HSD17B12: variants seen among roughly 807,000 people sequenced by gnomAD.
The protein encoded by HSD17B12 is hydroxysteroid 17-beta dehydrogenase 12.
HSD17B12 carries 32 observed loss-of-function variants against 39.3 expected under a neutral mutation model. The observed-to-expected ratio is 0.81, with a 90% CI of 0.61 to 1.09. The LOEUF is 1.09. HSD17B12 is among the 50% of genes least tolerant of loss of function. The pLI is 0.00. For synonymous variants in HSD17B12, 150 were observed against 146.7 expected (o/e 1.02, Z -0.16); for missense variants, 342 against 382.9 (o/e 0.89, Z 0.89).
chr11:43,846,849 A>G (rs1951480808), intron 9 of HSD17B12, among the ~76,000 whole-genome samples: 1 of 152,210 alleles, frequency 6.6e-6, no homozygotes, highest in African/African-American at 2.4e-5. Flanking sequence ...CATTACACCC[A>G]CAGTAAGTCC....
rs60140879 is a variant in HSD17B12, at chr11:43,792,682, C to CTTTTT, written c.284-5620_284-5616dup. 1.5e-3 allele frequency among the ~76,000 whole-genome samples: 152 copies of CTTTTT among 101,286 alleles called. 2 individuals are homozygous for CTTTTT. Among genetic ancestry groups the CTTTTT allele is most frequent in the South Asian group, 2.2e-3 (6 of 2,726 alleles). 66.4% of individuals were successfully genotyped at this position (101,286 alleles called of 152,430 possible). A position where few individuals can be genotyped will look rare whatever the true frequency, so the allele number is the denominator to read the frequency against. On this transcript the variant is annotated intron_variant, in intron 3 of 10. Transcript: ENST00000278353. ...GAACTGAATTGTCTCTCAATGTAAC[C>CTTTTT]TTTTTTTTTTTTTTTTTTTTTTGAG...
At chr11:43,737,437 C>T (rs879276299) in intron 1 of HSD17B12, among the ~76,000 whole-genome samples, 3 of 152,198 alleles carry the variant, frequency 2.0e-5, no homozygotes, top group Admixed American at 2.0e-4. Flanking sequence ...CTGTAGCAAG[C>T]TAGACACTTC....
At chr11:43,575,085 G>A in the HSD17B12 span, among the ~76,000 whole-genome samples, 1 of 152,192 alleles carries the variant, frequency 6.6e-6, no homozygotes, top group Non-Finnish European at 1.5e-5. The surrounding 1 kb of genome is among the most constrained non-coding windows in gnomAD (Gnocchi z 4.1). Context: ...CCACACAGGG[G>A]AGCCCCTAAA....
In HSD17B12 at chr11:43,827,064, G is replaced by A. The variant is rs1951249890; in HGVS notation, c.502-3912G>A. On this transcript the variant is annotated intron_variant, in intron 6 of 10. Coordinates refer to ENST00000278353, the MANE Select transcript of HSD17B12 (RefSeq NM_016142.3). ...TACTTGGATTCAGATCCTATTTATG[G>A]TAAGCAGGTTTCTTTGGGGTAGAGG... Among the ~76,000 whole-genome samples the A allele has an allele frequency of 3.9e-5, 6 of 152,242 alleles. No homozygotes were observed. In the South Asian group the frequency reaches 1.2e-3, roughly 32 times the overall value.
At chr11:43,585,920 T>G in the HSD17B12 span, among the ~76,000 whole-genome samples, 8 of 152,186 alleles carry the variant, frequency 5.3e-5, no homozygotes, top group African/African-American at 1.9e-4. Flanking sequence ...ATGGATAGAC[T>G]AAACCTCAAA....
At chr11:43,628,652 C>T in the HSD17B12 span, among the ~76,000 whole-genome samples, 1 of 152,072 alleles carries the variant, frequency 6.6e-6, no homozygotes, top group East Asian at 1.9e-4. Flanking sequence ...TCTATCTAAA[C>T]TGTGATATTA....
chr11:43,673,174 C>T, the HSD17B12 span: 1 of 152,110 alleles, frequency 6.6e-6, no homozygotes, highest in African/African-American at 2.4e-5. Flanking sequence ...TATGAAACTC[C>T]CTGATTATGA....
intron 4 of HSD17B12, among the ~76,000 whole-genome samples, chr11:43,801,628 A>ATATATATATATG (rs1176560327): frequency 1.4e-3 from 30 of 20,932 alleles, no homozygotes; most frequent in African/African-American, 3.2e-3. Context: ...ATATATATAT[A>ATATATATATATG]TATGTATATG....
At chr11:43,680,111 C>T (rs909840450), upstream of HSD17B12, among the ~76,000 whole-genome samples, 2 of 151,438 alleles carry the variant, frequency 1.3e-5, no homozygotes, top group Non-Finnish European at 2.9e-5. Flanking sequence ...AGTCTCACTC[C>T]GTCGCTCAGG....
chr11:43,643,550 T>C, the HSD17B12 span, among the ~76,000 whole-genome samples: 5 of 152,146 alleles, frequency 3.3e-5, no homozygotes, highest in African/African-American at 1.2e-4. Flanking sequence ...TGATTATCTA[T>C]CAAGAGAGTG....
At chr11:43,696,772 T>C (rs1313264829) in intron 1 of HSD17B12, among the ~76,000 whole-genome samples, 1 of 152,072 alleles carries the variant, frequency 6.6e-6, no homozygotes, top group Non-Finnish European at 1.5e-5. Context: ...CAAATGCCCA[T>C]CAGTGACAGA....
At chr11:43,723,603 C>T (rs1950194643) in intron 1 of HSD17B12, among the ~76,000 whole-genome samples, 1 of 152,136 alleles carries the variant, frequency 6.6e-6, no homozygotes, top group South Asian at 2.1e-4. Flanking sequence ...AAAATCATTA[C>T]ACTTAAATTC....
chr11:43,754,877 T>C, intron 3 of HSD17B12: 1 of 760,218 alleles, frequency 1.3e-6, no homozygotes, highest in Non-Finnish European at 2.4e-6. Context: ...TCTTAGGCAA[T>C]TATACTTGAG....
the HSD17B12 span, among the ~76,000 whole-genome samples, chr11:43,659,066 G>T: frequency 6.6e-6 from 1 of 152,206 alleles, no homozygotes; most frequent in African/African-American, 2.4e-5. Context: ...CAGCTGCTTT[G>T]TTTACCTGCT....
At chr11:43,662,073 G>A in the HSD17B12 span, among the ~76,000 whole-genome samples, 164 of 152,100 alleles carry the variant, frequency 1.1e-3, no homozygotes, top group Non-Finnish European at 1.9e-3. Flanking sequence ...GGTGGTGCAC[G>A]CCTGTAATCT....
chr11:43,788,685 CAAAAAAAAAAAAAAAA>C, intron 3 of HSD17B12, among the ~76,000 whole-genome samples: 1 of 100,910 alleles, frequency 9.9e-6, no homozygotes, highest in Middle Eastern at 5.1e-3. Context: ...TTTCCTTCCT[CAAAAAAAAAAAAAAAA>C]AAAAAAAAGA....
In HSD17B12 at chr11:43,856,133, T is replaced by G. The variant is rs1052893358; in HGVS notation, c.*885T>G. ...TAGAAATGGCATTATAATTTTTAAG[T>G]TGATACTCTACAGGTAGCTATTGAT... On this transcript the variant is annotated 3_prime_UTR_variant, in exon 11 of 11. Transcript: ENST00000278353. 6.6e-6 allele frequency: 1 copy of G among 152,234 alleles called. No individual in the cohort carries two copies. The highest frequency in any genetic ancestry group is 1.5e-5 in the Non-Finnish European group (1 of 68,042). 9.4% of individuals were successfully genotyped at this position (152,234 alleles called of 1,614,324 possible). A position where few individuals can be genotyped will look rare whatever the true frequency, so the allele number is the denominator to read the frequency against.
chr11:43,583,340 TCCTCGCCTCG>T, the HSD17B12 span, among the ~76,000 whole-genome samples: 2 of 152,286 alleles, frequency 1.3e-5, no homozygotes, highest in East Asian at 1.9e-4. Flanking sequence ...GCGAGTCCTC[TCCTCGCCTCG>T]CCTCGCCTCG....
At chr11:43,563,206 T>C in the HSD17B12 span, among the ~76,000 whole-genome samples, 1 of 152,160 alleles carries the variant, frequency 6.6e-6, no homozygotes, top group Admixed American at 6.5e-5. Context: ...TGGAAGGCCA[T>C]ACACTAGATT....
Sources: allele counts gnomAD v4.1 joint callset (sites outside exome capture counted in the v4.1 genomes callset), GRCh38; gene constraint gnomAD v4.1.1; non-coding constraint Gnocchi (gnomAD v3.1); transcripts MANE v1.5; gene names NCBI Gene and HGNC (gene_info 2026-07-23, HGNC 2026-07-21).